The following AHI1 variants were observed in gnomAD, a reference collection of about 807,000 sequenced individuals.
AHI1 encodes Abelson helper integration site 1, also known as jouberin.
Under a neutral mutation model 149.3 loss-of-function variants are expected in AHI1, and 123 were observed. The ratio of observed to expected loss-of-function variants is 0.82; its 90% CI spans 0.71 to 0.96. The LOEUF (loss-of-function observed/expected upper bound fraction) is 0.96. AHI1 is among the 40% of genes least tolerant of loss of function. AHI1 has a pLI of 0.00. For synonymous variants in AHI1, 475 were observed against 459.8 expected, an observed-to-expected ratio of 1.03 and a Z score of -0.42; for missense variants, 1,439 against 1,422.7, an observed-to-expected ratio of 1.01 and a Z score of -0.18.
At chr6:135,430,135 T>C (rs1426909203) in intron 17 of AHI1, 135 bp from the exon 18 acceptor site, 2 of 555,662 alleles carry the variant, frequency 3.6e-6, no homozygotes, top group Non-Finnish European at 6.3e-6. Flanking sequence ...AGCAAAAGGA[T>C]TCTGAGTAAC....
At chr6:135,407,561 C>T (rs1457668639) in intron 21 of AHI1, among the ~76,000 whole-genome samples, 1 of 152,108 alleles carries the variant, frequency 6.6e-6, no homozygotes, top group Non-Finnish European at 1.5e-5. Context: ...TTTCCAAAGG[C>T]AGCTTCTATC....
intron 27 of AHI1, among the ~76,000 whole-genome samples, chr6:135,293,559 AG>A (rs1206993488): frequency 6.6e-6 from 1 of 152,194 alleles, no homozygotes; most frequent in Non-Finnish European, 1.5e-5. Flanking sequence ...TGAGTTTAGT[AG>A]GTTCGCATAA....
At chr6:135,481,416 C>T (rs1300365998) in intron 5 of AHI1, among the ~76,000 whole-genome samples, 1 of 152,098 alleles carries the variant, frequency 6.6e-6, no homozygotes, top group South Asian at 2.1e-4. Context: ...ATTATATTTA[C>T]TGGTTCAACA....
At chr6:135,300,849 G>A in intron 26 of AHI1, 1 of 1,081,270 alleles carries the variant, frequency 9.2e-7, no homozygotes. Context: ...TTGTGAATCA[G>A]TTTAAATTAA....
At chr6:135,344,684 CCTTTT>C (rs1171179736) in intron 24 of AHI1, among the ~76,000 whole-genome samples, 1 of 143,366 alleles carries the variant, frequency 7.0e-6, no homozygotes, top group East Asian at 2.2e-4. Context: ...TCCTTCCTTT[CCTTTT>C]CTTTCTTTTT....
At chr6:135,461,769 T>C (rs920937350) in intron 8 of AHI1, among the ~76,000 whole-genome samples, 1 of 151,994 alleles carries the variant, frequency 6.6e-6, no homozygotes, top group African/African-American at 2.4e-5. Context: ...TAAGCTCAAC[T>C]GTATGCAAGC....
intron 22 of AHI1, among the ~76,000 whole-genome samples, chr6:135,402,820 T>C (rs933780075): frequency 1.3e-5 from 2 of 152,190 alleles, no homozygotes; most frequent in Admixed American, 1.3e-4. Flanking sequence ...ATAATACACA[T>C]AACACATAAA....
chr6:135,478,086 CCA>C (rs1295522989), intron 5 of AHI1, among the ~76,000 whole-genome samples: 1 of 152,160 alleles, frequency 6.6e-6, no homozygotes, highest in African/African-American at 2.4e-5. Context: ...CAGGCATGAG[CCA>C]CAGCGCCGAG....
intron 21 of AHI1, among the ~76,000 whole-genome samples, chr6:135,407,887 T>C (rs1781025203): frequency 6.6e-6 from 1 of 151,760 alleles, no homozygotes; most frequent in African/African-American, 2.4e-5. Flanking sequence ...AAAAAAAAAT[T>C]AATCGGGCGT....
intron 5 of AHI1, among the ~76,000 whole-genome samples, chr6:135,486,352 T>G (rs1437702399): frequency 6.6e-6 from 1 of 152,214 alleles, no homozygotes; most frequent in Non-Finnish European, 1.5e-5. Flanking sequence ...TGCTCACATG[T>G]ATGGTTTTAA....
chr6:135,385,286 A>G (rs1030960375), intron 23 of AHI1, among the ~76,000 whole-genome samples: 1 of 152,136 alleles, frequency 6.6e-6, no homozygotes. Context: ...GTGGGCATAT[A>G]TAGGGAATAA....
At chr6:135,453,316 T>G (rs566999325) in intron 11 of AHI1, 25 bp downstream of exon 11, 3 of 1,518,914 alleles carry the variant, frequency 2.0e-6, no homozygotes, top group African/African-American at 2.8e-5. Flanking sequence ...AGTTTTAAAG[T>G]GTTTAAAATG....
At chr6:135,406,202 T>C (rs1780776134) in intron 21 of AHI1, among the ~76,000 whole-genome samples, 2 of 152,222 alleles carry the variant, frequency 1.3e-5, no homozygotes, top group Admixed American at 6.5e-5. Context: ...GTATATCTCA[T>C]TCTAAGTTTT....
intron 24 of AHI1, among the ~76,000 whole-genome samples, chr6:135,352,751 C>A (rs1792345947): frequency 6.7e-6 from 1 of 148,336 alleles, no homozygotes; most frequent in African/African-American, 2.5e-5. Context: ...TATATACACA[C>A]ACATATATAT....
intron 24 of AHI1, among the ~76,000 whole-genome samples, chr6:135,344,685 CTTTTCTTTCT>C (rs938817738): frequency 2.0e-5 from 3 of 149,000 alleles, no homozygotes; most frequent in Admixed American, 6.8e-5. Flanking sequence ...CCTTCCTTTC[CTTTTCTTTCT>C]TTTTCTTTCT....
intron 27 of AHI1, among the ~76,000 whole-genome samples, chr6:135,297,681 T>C (rs533207735): frequency 2.6e-5 from 4 of 152,024 alleles, no homozygotes; most frequent in South Asian, 2.1e-4. Flanking sequence ...ATTTTAGAAA[T>C]TGGGGGTAGG....
rs1455830982 is a variant in AHI1 at position 135,358,204 on chromosome 6, T to C, written c.3110-17A>G. 1.2e-6 allele frequency: 2 copies of C among 1,605,866 alleles called. No homozygotes were observed. The highest frequency in any genetic ancestry group is 1.4e-5 in the African/African-American group (1 of 73,358). On this transcript the variant is annotated splice_polypyrimidine_tract_variant and intron_variant, in intron 23 of 28. Coordinates refer to ENST00000265602, the MANE Select transcript of AHI1 (RefSeq NM_001134831.2). ...TGATAATCCCTGTGGAAAGAAAACA[T>C]TGTGAGTATTTGGTTATTAAGCCTG...
intron 26 of AHI1, among the ~76,000 whole-genome samples, chr6:135,313,835 A>G (rs888679862): frequency 6.6e-6 from 1 of 152,168 alleles, no homozygotes; most frequent in Non-Finnish European, 1.5e-5. Context: ...CCTCTGGCAG[A>G]GTCAATGTTA....
At chr6:135,302,827 A>T in intron 26 of AHI1, 7 of 1,288,666 alleles carry the variant, frequency 5.4e-6, no homozygotes, top group Non-Finnish European at 7.1e-6. Flanking sequence ...CCTTTAAACG[A>T]AAAAGCCCCC....
Sources: allele counts gnomAD v4.1 joint callset (sites outside exome capture counted in the v4.1 genomes callset), GRCh38; gene constraint gnomAD v4.1.1; transcripts MANE v1.5; gene names NCBI Gene and HGNC (gene_info 2026-07-23, HGNC 2026-07-21).